Variants in PRKG1 observed in about 807,000 individuals in gnomAD.
PRKG1 encodes cGMP-dependent protein kinase 1.
A neutral mutation model predicts 88.1 loss-of-function variants in PRKG1; 35 were observed. The observed-to-expected ratio is 0.40, with a 90% CI of 0.30 to 0.53. The LOEUF (loss-of-function observed/expected upper bound fraction) is 0.53, where lower values mean the gene tolerates loss of function less well. PRKG1 is among the 20% of genes least tolerant of loss of function. The pLI is 0.59. For synonymous variants in PRKG1, 303 were observed against 292.5 expected (o/e 1.04, Z -0.37); for missense variants, 540 against 839.8 (o/e 0.64, Z 4.41).
At position 51,467,845 on chromosome 10, in the gene PRKG1, A is replaced by G; in HGVS notation, c.592+9A>G. ...GACAGCGACCGTCAAGAGTAAGACTATTTTCATATTTTTAAAATATTTTCA... is the reference window on the plus strand; with the variant it reads ...GACAGCGACCGTCAAGAGTAAGACTGTTTTCATATTTTTAAAATATTTTCA... On this transcript the variant is annotated intron_variant, in intron 3 of 17. Coordinates refer to ENST00000373980, the MANE Select transcript of PRKG1 (RefSeq NM_006258.4). The G allele has an allele frequency of 6.3e-7, 1 of 1,591,294 alleles. No homozygotes were observed. Among genetic ancestry groups the G allele is most frequent in the Non-Finnish European group, 8.6e-7 (1 of 1,159,658 alleles).
At chr10:51,427,422 C>G (rs1387920406) in intron 2 of PRKG1, among the ~76,000 whole-genome samples, 1 of 152,184 alleles carries the variant, frequency 6.6e-6, no homozygotes, top group African/African-American at 2.4e-5. Context: ...CAACATGAAC[C>G]ATTTAGCACA....
chr10:51,247,504 G>A (rs568466961), intron 2 of PRKG1, among the ~76,000 whole-genome samples: 11 of 152,030 alleles, frequency 7.2e-5, no homozygotes, highest in Middle Eastern at 3.4e-3. Context: ...GAGATATTAA[G>A]TTTAAGTAAA....
At chr10:52,019,220 C>A (rs1347012294) in intron 5 of PRKG1, among the ~76,000 whole-genome samples, 3 of 152,132 alleles carry the variant, frequency 2.0e-5, no homozygotes, top group Non-Finnish European at 4.4e-5. Context: ...GCCCCCATGA[C>A]CCAAACACCT....
At chr10:51,627,929 T>TTC (rs1426640394) in intron 3 of PRKG1, among the ~76,000 whole-genome samples, 50 of 41,536 alleles carry the variant, frequency 1.2e-3, no homozygotes, top group Non-Finnish European at 1.5e-3. Context: ...TCCCTTCCTT[T>TTC]CTTCCTTCCT....
intron 2 of PRKG1, among the ~76,000 whole-genome samples, chr10:51,343,937 A>G (rs1388819474): frequency 1.3e-5 from 2 of 152,206 alleles, no homozygotes; most frequent in African/African-American, 4.8e-5. Flanking sequence ...TTTTTTAAAT[A>G]CTAAAGGAAA....
intron 1 of PRKG1, among the ~76,000 whole-genome samples, chr10:51,136,222 T>C (rs1845682391): frequency 2.0e-5 from 3 of 151,810 alleles, no homozygotes; most frequent in South Asian, 2.1e-4. Flanking sequence ...TTTTGAGCAA[T>C]TGGGTAGGTG....
intron 2 of PRKG1, among the ~76,000 whole-genome samples, chr10:51,392,135 AT>A (rs199677751): frequency 0.023 from 3,377 of 146,720 alleles, 85 homozygotes; most frequent in African/African-American, 0.069. Context: ...TACATGATGA[AT>A]TTTTTTTTTT....
At chr10:51,069,647 T>C (rs1809636201), upstream of PRKG1, among the ~76,000 whole-genome samples, 1 of 152,058 alleles carries the variant, frequency 6.6e-6, no homozygotes, top group Admixed American at 6.5e-5. Flanking sequence ...CAAAGTAATG[T>C]ATAAGTGGGT....
chr10:52,233,910 C>T lies in PRKG1; in HGVS notation c.1077-17660C>T, dbSNP rs1028549684. Among the ~76,000 whole-genome samples, 12 of 152,074 alleles carry T rather than the reference C, an allele frequency of 7.9e-5. 1 individual carries two copies. The South Asian group carries it at 1.5e-3, about 18-fold the overall frequency. On this transcript the variant is annotated intron_variant, in intron 9 of 17. Coordinates refer to ENST00000373980, the MANE Select transcript of PRKG1 (RefSeq NM_006258.4). Reference sequence around the variant, plus strand: ...CAGTAACCTCTGCAGACTTAAATGTCCCTGCCTGACAGCTTTGAAGAGAGC... The same window carrying T: ...CAGTAACCTCTGCAGACTTAAATGTTCCTGCCTGACAGCTTTGAAGAGAGC...
intron 2 of PRKG1, among the ~76,000 whole-genome samples, chr10:51,192,828 A>G (rs890592635): frequency 6.6e-6 from 1 of 151,966 alleles, no homozygotes; most frequent in Non-Finnish European, 1.5e-5. Context: ...TAGAATGGCC[A>G]TTCATATCTG....
intron 1 of PRKG1, among the ~76,000 whole-genome samples, chr10:51,089,825 C>A (rs1168211090): frequency 5.3e-5 from 8 of 152,096 alleles, no homozygotes; most frequent in African/African-American, 1.9e-4. Context: ...GGTAATATAA[C>A]CTAAATCCAA....
intron 4 of PRKG1, among the ~76,000 whole-genome samples, chr10:51,841,407 G>A (rs559549176): frequency 6.6e-6 from 1 of 152,270 alleles, no homozygotes; most frequent in African/African-American, 2.4e-5. Context: ...TGCCTTGTTA[G>A]GACTAAGCAT....
intron 3 of PRKG1, among the ~76,000 whole-genome samples, chr10:51,635,735 C>T (rs530894778): frequency 1.3e-5 from 2 of 152,288 alleles, no homozygotes; most frequent in African/African-American, 2.4e-5. Flanking sequence ...GACTCCTGCT[C>T]ATCAACTCAA....
At chr10:51,712,426 G>A (rs991805887) in intron 3 of PRKG1, among the ~76,000 whole-genome samples, 2 of 152,092 alleles carry the variant, frequency 1.3e-5, no homozygotes, top group East Asian at 1.9e-4. Flanking sequence ...TTGGGGAAGT[G>A]TGTTCTAAAC....
At chr10:52,055,269 G>C (rs1846083687) in intron 6 of PRKG1, among the ~76,000 whole-genome samples, 1 of 152,224 alleles carries the variant, frequency 6.6e-6, no homozygotes. Context: ...ACGAAATTTA[G>C]TCATTTTAAT....
At chr10:51,141,526 G>T (rs1845819673) in intron 1 of PRKG1, among the ~76,000 whole-genome samples, 1 of 152,044 alleles carries the variant, frequency 6.6e-6, no homozygotes, top group Non-Finnish European at 1.5e-5. Flanking sequence ...AATCACTATT[G>T]CCTGCATTTA....
intron 2 of PRKG1, among the ~76,000 whole-genome samples, chr10:51,179,228 A>G (rs1254638034): frequency 2.6e-5 from 4 of 152,224 alleles, no homozygotes; most frequent in Non-Finnish European, 5.9e-5. Flanking sequence ...TGGACTCTGT[A>G]GAACATGCAC....
intron 2 of PRKG1, among the ~76,000 whole-genome samples, chr10:51,346,342 G>A (rs1038739869): frequency 1.1e-4 from 16 of 152,156 alleles, no homozygotes; most frequent in African/African-American, 2.9e-4. Flanking sequence ...GAAGATAAAC[G>A]TAAGCATGTC....
At chr10:51,179,984 T>C (rs901639567) in intron 2 of PRKG1, among the ~76,000 whole-genome samples, 4 of 152,162 alleles carry the variant, frequency 2.6e-5, no homozygotes, top group African/African-American at 9.7e-5. Flanking sequence ...TAAATGTCCA[T>C]CTTTTATTAT....
Sources: allele counts gnomAD v4.1 joint callset (sites outside exome capture counted in the v4.1 genomes callset), GRCh38; gene constraint gnomAD v4.1.1; transcripts MANE v1.5; gene names NCBI Gene and HGNC (gene_info 2026-07-23, HGNC 2026-07-21).